PAX3: variants seen among roughly 807,000 people sequenced by gnomAD.
PAX3 encodes paired box protein Pax-3.
Under a neutral mutation model 51.6 loss-of-function variants are expected in PAX3, and 14 were observed. That is an observed-to-expected ratio of 0.27 (90% CI 0.18 to 0.42). PAX3 has a LOEUF of 0.42. PAX3 is among the 10% of genes least tolerant of loss of function. The probability of loss-of-function intolerance (pLI) is 1.00; values close to 1 mark genes in which losing one functional copy is unlikely to be tolerated. For synonymous variants in PAX3, 280 were observed against 253.4 expected (o/e 1.11, Z -1.00); for missense variants, 540 against 642.8 (o/e 0.84, Z 1.73).
chr2:222,280,734 A>G (rs1694617958), intron 4 of PAX3, among the ~76,000 whole-genome samples: 1 of 152,230 alleles, frequency 6.6e-6, no homozygotes, highest in East Asian at 1.9e-4. Flanking sequence ...AAGTTTACTG[A>G]GAAGCCCAGA....
At chr2:222,262,163 A>G (rs1693885926) in intron 4 of PAX3, among the ~76,000 whole-genome samples, 1 of 152,236 alleles carries the variant, frequency 6.6e-6, no homozygotes, top group Non-Finnish European at 1.5e-5. Context: ...ATGTTGTTGC[A>G]TATGTGAGTA....
chr2:222,294,050 G>A (rs575041106), intron 4 of PAX3, 117 bp downstream of exon 4: 702 of 1,570,296 alleles, frequency 4.5e-4, no homozygotes, highest in Non-Finnish European at 5.9e-4. Flanking sequence ...CAGAGACACC[G>A]CGCATGAAGG....
chr2:222,223,238 T>G (rs1692266772), intron 5 of PAX3, among the ~76,000 whole-genome samples: 1 of 152,220 alleles, frequency 6.6e-6, no homozygotes, highest in African/African-American at 2.4e-5. Flanking sequence ...TGCAAGATAC[T>G]GGTAAGGAAA....
intron 5 of PAX3, among the ~76,000 whole-genome samples, chr2:222,227,554 T>A (rs933215161): frequency 1.3e-5 from 2 of 152,108 alleles, no homozygotes; most frequent in African/African-American, 2.4e-5. Context: ...ATCGCACCAC[T>A]GTACTCCAGT....
intron 4 of PAX3, among the ~76,000 whole-genome samples, chr2:222,285,415 G>GT (rs1694797757): frequency 6.6e-6 from 1 of 152,232 alleles, no homozygotes; most frequent in Non-Finnish European, 1.5e-5. Context: ...TGTGAACTGG[G>GT]TAAGTTATGC....
At chr2:222,218,315 T>A (rs1472498136) in intron 7 of PAX3, among the ~76,000 whole-genome samples, 1 of 152,182 alleles carries the variant, frequency 6.6e-6, no homozygotes, top group Non-Finnish European at 1.5e-5. Context: ...ATGTGATACT[T>A]ATATAATACA....
rs2106208923 is a variant in PAX3 at position 222,298,973 on chromosome 2, TCTC to T, written c.-361_-359del. 1 of 444,894 alleles carries T rather than the reference TCTC, an allele frequency of 2.2e-6. No homozygotes were observed. The highest frequency in any genetic ancestry group is 2.0e-5 in the African/African-American group (1 of 51,206). 27.6% of individuals were successfully genotyped at this position (444,894 alleles called of 1,614,324 possible). ...GAGGCTGGAGCGCGGCCTGCCTGAG[TCTC>T]CTCCTGTGGTGACACCGAGTGCGGG... On this transcript the variant is annotated 5_prime_UTR_variant, in exon 1 of 9. Coordinates refer to ENST00000392070, the MANE Select transcript of PAX3 (RefSeq NM_181458.4).
At chr2:222,273,600 G>A (rs1694323759) in intron 4 of PAX3, among the ~76,000 whole-genome samples, 1 of 152,058 alleles carries the variant, frequency 6.6e-6, no homozygotes, top group Non-Finnish European at 1.5e-5. Flanking sequence ...ACAAAAGAGT[G>A]GAAAAATGAA....
chr2:222,253,122 A>T (rs1361405409), intron 4 of PAX3, among the ~76,000 whole-genome samples: 1 of 152,228 alleles, frequency 6.6e-6, no homozygotes, highest in African/African-American at 2.4e-5. Flanking sequence ...CAGAAGCAGC[A>T]TGAAAGAAAG....
intron 4 of PAX3, among the ~76,000 whole-genome samples, chr2:222,233,572 G>A (rs1252534516): frequency 3.3e-5 from 5 of 152,074 alleles, no homozygotes; most frequent in Non-Finnish European, 7.4e-5. Context: ...ATAGAGCAAC[G>A]CTGGCTATAG....
At chr2:222,295,838 C>G (rs1695266903) in intron 2 of PAX3, among the ~76,000 whole-genome samples, 181 bp from the exon 3 acceptor site, 1 of 152,186 alleles carries the variant, frequency 6.6e-6, no homozygotes. Flanking sequence ...CAGAACACAT[C>G]CCATCCCATC....
intron 7 of PAX3, among the ~76,000 whole-genome samples, chr2:222,202,775 C>G (rs1045845939): frequency 6.6e-6 from 1 of 150,734 alleles, no homozygotes; most frequent in Non-Finnish European, 1.5e-5. Flanking sequence ...AATATTTACT[C>G]CTTTCCTGAT....
chr2:222,297,456 C>T (rs1391103293), intron 1 of PAX3, among the ~76,000 whole-genome samples: 1 of 152,194 alleles, frequency 6.6e-6, no homozygotes, highest in Non-Finnish European at 1.5e-5. Context: ...AATAATTCTC[C>T]CCAGAGAAAG....
chr2:222,249,347 A>G (rs1010186615), intron 4 of PAX3, among the ~76,000 whole-genome samples: 39 of 152,114 alleles, frequency 2.6e-4, no homozygotes, highest in African/African-American at 8.9e-4. Context: ...CATCAACAAT[A>G]CCATTCCTCT....
intron 4 of PAX3, among the ~76,000 whole-genome samples, chr2:222,238,709 C>G (rs1272078528): frequency 1.3e-5 from 2 of 152,090 alleles, no homozygotes; most frequent in African/African-American, 4.8e-5. Context: ...TCTTTCTGAG[C>G]TAGATTTGTG....
chr2:222,295,720 C>T, intron 2 of PAX3, 63 bp from the exon 3 acceptor site: 7 of 1,597,718 alleles, frequency 4.4e-6, no homozygotes, highest in South Asian at 1.1e-5. Flanking sequence ...GCGGCGGCCC[C>T]ACCGCCTCTG....
intron 5 of PAX3, among the ~76,000 whole-genome samples, chr2:222,230,799 G>A (rs1417326704): frequency 6.9e-6 from 1 of 145,162 alleles, no homozygotes; most frequent in Non-Finnish European, 1.5e-5. Flanking sequence ...AGGTTGCAGT[G>A]AGCTGAGGTT....
intron 5 of PAX3, among the ~76,000 whole-genome samples, chr2:222,228,682 C>A (rs1413154553): frequency 6.6e-6 from 1 of 152,108 alleles, no homozygotes; most frequent in Non-Finnish European, 1.5e-5. Flanking sequence ...CACCTGTAAT[C>A]TCAACACTTT....
At chr2:222,212,622 AACAC>A (rs57019405) in intron 7 of PAX3, among the ~76,000 whole-genome samples, 9,045 of 147,994 alleles carry the variant, frequency 0.061, 319 homozygotes, top group South Asian at 0.13. Context: ...TGGAAAAACA[AACAC>A]ACACACACAC....
Sources: gnomAD v4.1 joint callset for allele counts (sites outside exome capture counted in the v4.1 genomes callset) on GRCh38, gnomAD v4.1.1 for gene constraint, MANE v1.5 for transcripts, NCBI Gene and HGNC (gene_info 2026-07-23, HGNC 2026-07-21) for gene names.